MAP7D3: variants seen among roughly 807,000 people sequenced by gnomAD.
MAP7D3 encodes MAP7 domain containing 3.
A neutral mutation model predicts 62.2 loss-of-function variants in MAP7D3; 45 were observed. The ratio of observed to expected loss-of-function variants is 0.72; its 90% CI spans 0.57 to 0.93. The LOEUF (loss-of-function observed/expected upper bound fraction) is 0.93, where lower values mean the gene tolerates loss of function less well. MAP7D3 is among the 40% of genes least tolerant of loss of function. MAP7D3 has a pLI of 0.00. For missense variants in MAP7D3, 711 were observed against 683.1 expected (o/e 1.04, Z -0.45); for synonymous variants, 288 against 248.8 (o/e 1.16, Z -1.48).
chrX:136,251,966 G>A (rs1014586907), upstream of MAP7D3, among the ~76,000 whole-genome samples: 3 of 112,175 alleles, frequency 2.7e-5, no homozygotes, highest in South Asian at 3.7e-4. Flanking sequence ...ATGTTTGTGA[G>A]TCTTCAAAGA....
At chrX:136,224,503 AAAAAG>A (rs1353352988) in intron 14 of MAP7D3, among the ~76,000 whole-genome samples, 1 of 110,831 alleles carries the variant, frequency 9.0e-6, no homozygotes, top group African/African-American at 3.3e-5. Context: ...AGAAAAAAAG[AAAAAG>A]AAAAGATAAG....
In MAP7D3 at chrX:136,222,426, C is replaced by G; in HGVS notation, c.2254G>C (p.Asp752His). The G allele has an allele frequency of 8.3e-7, 1 of 1,209,559 alleles. No individual in the cohort carries two copies. The highest frequency in any genetic ancestry group is 1.7e-5 in the African/African-American group (1 of 57,674). ...AACATTTCATTCAATGAGTCCTTGT[C>G]GCTTTCTTCGTTGTCAGCCTCAGCC... ...EEAEADNEESDKDSLNEMFPS... is the reference protein window; with the variant it reads ...EEAEADNEESHKDSLNEMFPS... The change falls in exon 15 of 19, where the codon GAC becomes CAC. Residue 752 changes from aspartate to histidine, a missense_variant. Transcript: ENST00000316077.
rs369808467 is a variant in MAP7D3, at chrX:136,246,150, T to TA, written c.170-3dup. Reference sequence around the variant, plus strand: ...TTTTAAGCATGGATCCATCGATTACTAAAAAAAAAAGAATATAGTTAGATA... The same window carrying TA: ...TTTTAAGCATGGATCCATCGATTACTAAAAAAAAAAAGAATATAGTTAGATA... On this transcript the variant is annotated splice_region_variant and splice_polypyrimidine_tract_variant and intron_variant, in intron 2 of 18. Transcript: ENST00000316077. The TA allele has an allele frequency of 2.1e-3, 2,173 of 1,011,853 alleles. No individual in the cohort carries two copies. Among genetic ancestry groups the TA allele is most frequent in the Non-Finnish European group, 2.5e-3 (1,886 of 747,241 alleles). The allele number at this position is 1,011,853 out of a possible 1,213,427, so 83.4% of individuals were successfully genotyped here. A position where few individuals can be genotyped will look rare whatever the true frequency, so the allele number is the denominator to read the frequency against.
At chrX:136,238,920 T>C (rs938906476) in intron 6 of MAP7D3, among the ~76,000 whole-genome samples, 6 of 112,236 alleles carry the variant, frequency 5.3e-5, no homozygotes, top group Admixed American at 1.9e-4. Context: ...GTACTGGAAT[T>C]GTATAGCAAT....
chrX:136,219,726 C>T (rs1177772681), intron 16 of MAP7D3, 55 bp from the exon 17 acceptor site: 6 of 920,984 alleles, frequency 6.5e-6, no homozygotes, highest in Non-Finnish European at 9.5e-6. Flanking sequence ...AAGGCTCTGG[C>T]CTAAAAGAAG....
At chrX:136,247,042 A>G (rs1324458160) in intron 1 of MAP7D3, among the ~76,000 whole-genome samples, 1 of 112,481 alleles carries the variant, frequency 8.9e-6, no homozygotes, top group Non-Finnish European at 1.9e-5. Flanking sequence ...TTCTTTTAGA[A>G]GAAGTAATCT....
At chrX:136,240,226 A>G (rs1438546581) in intron 6 of MAP7D3, among the ~76,000 whole-genome samples, 156 bp downstream of exon 6, 1 of 104,726 alleles carries the variant, frequency 9.5e-6, no homozygotes, top group African/African-American at 3.4e-5. Context: ...AAAAAAAAAA[A>G]GTATGACTAT....
intron 17 of MAP7D3, 29 bp downstream of exon 17, chrX:136,219,564 A>G (rs771241428): frequency 8.5e-7 from 1 of 1,170,809 alleles, no homozygotes; most frequent in Non-Finnish European, 1.2e-6. Context: ...CTTGTCACAG[A>G]TACGCTGCTG....
Position 136,230,837 on chromosome X carries a change from A to C in MAP7D3, c.1541+2T>G. ...AGGAACAGTTGCGAATAAGCTGCTT[A>C]CTTAGTGCTGATGGGAGACGGCAGA... is the stretch of plus-strand genomic sequence containing the variant. On this transcript the variant is annotated splice_donor_variant, in intron 9 of 18. Transcript: ENST00000316077. LOFTEE classifies it high-confidence loss of function. 1 of 1,205,588 alleles carries C rather than the reference A, an allele frequency of 8.3e-7. No individual in the cohort carries two copies. Among genetic ancestry groups the C allele is most frequent in the Non-Finnish European group, 1.1e-6 (1 of 893,099 alleles).
intron 4 of MAP7D3, among the ~76,000 whole-genome samples, chrX:136,243,520 T>C (rs1038927008): frequency 2.7e-5 from 3 of 110,852 alleles, no homozygotes; most frequent in Admixed American, 1.9e-4. Context: ...CTGGCCAAGA[T>C]AGTGAACCCC....
At chrX:136,232,683 A>G (rs1197728722) in intron 7 of MAP7D3, among the ~76,000 whole-genome samples, 1 of 112,574 alleles carries the variant, frequency 8.9e-6, no homozygotes, top group Non-Finnish European at 1.9e-5. Context: ...TGTAAGAAAG[A>G]GCATTTTCTC....
chrX:136,248,034 T>C (rs2074467581), intron 1 of MAP7D3, among the ~76,000 whole-genome samples: 1 of 111,376 alleles, frequency 9.0e-6, no homozygotes, highest in Non-Finnish European at 1.9e-5. Context: ...CTGGCCAACA[T>C]GGCAAACTCC....
Position 136,218,983 on chromosome X carries a change from C to T in MAP7D3, c.*32+415G>A, listed in dbSNP as rs1022728529. On this transcript the variant is annotated intron_variant, in intron 18 of 18. Transcript: ENST00000316077. Reference sequence around the variant, plus strand: ...CTCCTGCCTCAGCCTCCAAAGTAGCCGGGATTACAGGCATGCATTACCACA... The same window carrying T: ...CTCCTGCCTCAGCCTCCAAAGTAGCTGGGATTACAGGCATGCATTACCACA... Among the ~76,000 whole-genome samples, 15 of 110,888 alleles carry T rather than the reference C, an allele frequency of 1.4e-4. No homozygotes were observed. The Admixed American group carries it at 1.4e-3, about 11-fold the overall frequency.
chrX:136,224,167 A>G (rs1265325003), intron 14 of MAP7D3, among the ~76,000 whole-genome samples: 1 of 109,169 alleles, frequency 9.2e-6, no homozygotes, highest in Non-Finnish European at 1.9e-5. Flanking sequence ...TTGGGAGGCT[A>G]AGGCAGGTGG....
At position 136,234,026 on chromosome X, in the gene MAP7D3, T is replaced by C. The variant is rs765284072; in HGVS notation, c.737-1806A>G. 1.3e-4 allele frequency among the ~76,000 whole-genome samples: 14 copies of C among 110,820 alleles called. No homozygotes were observed. In the South Asian group the frequency reaches 2.7e-3, roughly 21 times the overall value. ...AGAAAATAACCTGACATACACATAATTGGGCATAAAAAAGTCAGGAATTAG... is the reference window on the plus strand; with the variant it reads ...AGAAAATAACCTGACATACACATAACTGGGCATAAAAAAGTCAGGAATTAG... On this transcript the variant is annotated intron_variant, in intron 7 of 18. Coordinates refer to ENST00000316077, the MANE Select transcript of MAP7D3 (RefSeq NM_024597.4).
chrX:136,215,865 C>T, downstream of MAP7D3, among the ~76,000 whole-genome samples: 1 of 111,354 alleles, frequency 9.0e-6, no homozygotes, highest in Non-Finnish European at 1.9e-5. Flanking sequence ...TTTTCCTCAT[C>T]CAAGGTGAGC....
intron 14 of MAP7D3, among the ~76,000 whole-genome samples, chrX:136,224,594 T>C (rs2074173178): frequency 9.2e-6 from 1 of 108,736 alleles, no homozygotes; most frequent in Non-Finnish European, 1.9e-5. Context: ...AGAACCACAA[T>C]GAGACAAATC....
At chrX:136,237,194 A>G (rs1471603269) in intron 6 of MAP7D3, among the ~76,000 whole-genome samples, 1 of 112,206 alleles carries the variant, frequency 8.9e-6, no homozygotes, top group African/African-American at 3.2e-5. Flanking sequence ...ACTAAAGTAC[A>G]TGTTGACAAC....
At chrX:136,213,578 C>A (rs1245194230), downstream of MAP7D3, 1 of 111,163 alleles carries the variant, frequency 9.0e-6, no homozygotes, top group Non-Finnish European at 1.9e-5. Flanking sequence ...GACTGGCACC[C>A]AGTAAACACA....
Sources: gnomAD v4.1 joint callset for allele counts (sites outside exome capture counted in the v4.1 genomes callset) on GRCh38, gnomAD v4.1.1 for gene constraint, MANE v1.5 for transcripts, NCBI Gene and HGNC (gene_info 2026-07-23, HGNC 2026-07-21) for gene names.